Variants in ELF1 observed in about 807,000 individuals in gnomAD.
ELF1 encodes E74 like ETS transcription factor 1.
Under a neutral mutation model 59.9 loss-of-function variants are expected in ELF1, and 24 were observed. The ratio of observed to expected loss-of-function variants is 0.40; its 90% CI spans 0.29 to 0.56. The LOEUF is 0.56. Ranked by LOEUF, ELF1 falls within the 20% of genes least tolerant of loss-of-function variation. The pLI is 0.44. For missense variants in ELF1, 627 were observed against 742.2 expected (o/e 0.84, Z 1.80); for synonymous variants, 248 against 266.2 (o/e 0.93, Z 0.67).
chr13:40,962,389 A>G (rs781633698), intron 2 of ELF1, among the ~76,000 whole-genome samples: 12 of 152,262 alleles, frequency 7.9e-5, no homozygotes, highest in Non-Finnish European at 1.0e-4. Flanking sequence ...TTTGGGATTA[A>G]AAAAAGAGAG....
chr13:41,044,230 T>C (rs1205473301), intron 1 of ELF1, among the ~76,000 whole-genome samples: 1 of 152,228 alleles, frequency 6.6e-6, no homozygotes, highest in East Asian at 1.9e-4. Flanking sequence ...CATACAATCA[T>C]GTCATCTGCA....
chr13:40,966,914 C>T (rs1298010656), intron 2 of ELF1, among the ~76,000 whole-genome samples: 1 of 152,212 alleles, frequency 6.6e-6, no homozygotes, highest in Non-Finnish European at 1.5e-5. Flanking sequence ...AGCACACCTT[C>T]GAGTAGTTCA....
intron 1 of ELF1, among the ~76,000 whole-genome samples, chr13:41,046,471 G>A (rs1315114223): frequency 3.9e-5 from 6 of 152,168 alleles, no homozygotes; most frequent in South Asian, 2.1e-4. Context: ...CTCTTGCAGC[G>A]CAGGCCTGGT....
chr13:40,949,782 C>T (rs1224386280), intron 5 of ELF1, 24 bp downstream of exon 5: 1 of 1,612,454 alleles, frequency 6.2e-7, no homozygotes, highest in Non-Finnish European at 8.5e-7. Context: ...TGACTATGCG[C>T]CCTAAACAAA....
intron 1 of ELF1, among the ~76,000 whole-genome samples, chr13:41,037,895 TAC>T (rs2138416195): frequency 6.6e-6 from 1 of 152,300 alleles, no homozygotes; most frequent in East Asian, 1.9e-4. Flanking sequence ...TATAATGTGC[TAC>T]ACAGACTAAG....
chr13:41,055,703 G>A (rs1054888922), intron 1 of ELF1, among the ~76,000 whole-genome samples: 2 of 151,868 alleles, frequency 1.3e-5, no homozygotes, highest in Non-Finnish European at 2.9e-5. Flanking sequence ...TTATTTTCTA[G>A]AGAGAGGGTC....
chr13:40,994,984 G>C (rs1268637941), intron 1 of ELF1, among the ~76,000 whole-genome samples: 2 of 152,114 alleles, frequency 1.3e-5, no homozygotes, highest in Non-Finnish European at 2.9e-5. Context: ...TTGTTTCAAA[G>C]TTCCCCAGGA....
At chr13:40,953,755 A>G (rs1409208851) in intron 3 of ELF1, among the ~76,000 whole-genome samples, 5 of 152,124 alleles carry the variant, frequency 3.3e-5, no homozygotes, top group Non-Finnish European at 5.9e-5. Flanking sequence ...CGTCACCCCC[A>G]CTGTGGAATA....
chr13:41,017,286 A>G (rs1875461792), intron 1 of ELF1, among the ~76,000 whole-genome samples: 1 of 152,210 alleles, frequency 6.6e-6, no homozygotes, highest in East Asian at 1.9e-4. Flanking sequence ...AGCATTTCAA[A>G]CAAAGCATCA....
intron 1 of ELF1, among the ~76,000 whole-genome samples, chr13:40,998,380 T>G (rs1874232565): frequency 6.6e-6 from 1 of 152,212 alleles, no homozygotes; most frequent in Admixed American, 6.5e-5. Context: ...TTCAGTACAG[T>G]AACATACTGT....
At chr13:40,954,572 C>G (rs928868977) in intron 3 of ELF1, among the ~76,000 whole-genome samples, 4 of 151,874 alleles carry the variant, frequency 2.6e-5, no homozygotes, top group African/African-American at 9.7e-5. Flanking sequence ...CTCAGCCTGC[C>G]GAGTGCCTGC....
intron 1 of ELF1, among the ~76,000 whole-genome samples, chr13:41,055,963 T>C (rs1198177261): frequency 6.6e-6 from 1 of 151,878 alleles, no homozygotes; most frequent in Admixed American, 6.6e-5. Flanking sequence ...AGAGAGAAAA[T>C]ATTCTATATG....
At chr13:41,041,261 A>C (rs1323474017) in intron 1 of ELF1, among the ~76,000 whole-genome samples, 1 of 39,754 alleles carries the variant, frequency 2.5e-5, no homozygotes, top group African/African-American at 8.5e-5. Context: ...TGGTTTCATC[A>C]AAAAAAAAAA....
At chr13:40,993,211 AG>A (rs2138310328) in intron 1 of ELF1, 1 of 1,542,354 alleles carries the variant, frequency 6.5e-7, no homozygotes, top group East Asian at 2.2e-5. Flanking sequence ...CCTAACAGTG[AG>A]GCAGGAGCAG....
intron 1 of ELF1, among the ~76,000 whole-genome samples, chr13:41,051,934 CTTTTTTTTTT>C (rs757348738): frequency 2.4e-5 from 3 of 127,250 alleles, no homozygotes; most frequent in African/African-American, 5.9e-5. Flanking sequence ...TTCTTTTTCT[CTTTTTTTTTT>C]TTTTTTTTTT....
At chr13:41,036,310 T>C (rs1412980183) in intron 1 of ELF1, among the ~76,000 whole-genome samples, 1 of 152,238 alleles carries the variant, frequency 6.6e-6, no homozygotes, top group African/African-American at 2.4e-5. Flanking sequence ...TATTTATTCA[T>C]ATTTCTTAAT....
upstream of ELF1, among the ~76,000 whole-genome samples, chr13:41,020,013 C>A (rs1023339672): frequency 3.9e-5 from 6 of 152,204 alleles, no homozygotes; most frequent in African/African-American, 1.2e-4. Flanking sequence ...AGTATTGGTA[C>A]GATCATAGTT....
chr13:40,974,135 T>C (rs563451829), intron 2 of ELF1, among the ~76,000 whole-genome samples: 42 of 152,164 alleles, frequency 2.8e-4, no homozygotes, highest in Non-Finnish European at 4.7e-4. Flanking sequence ...TTAAAACCAT[T>C]GATTTGTACA....
chr13:40,971,774 T>C (rs1245258554), intron 2 of ELF1, among the ~76,000 whole-genome samples: 2 of 152,222 alleles, frequency 1.3e-5, no homozygotes, highest in African/African-American at 4.8e-5. Context: ...CTTCTTTTTG[T>C]AGCCAGGATA....
Sources: gnomAD v4.1 joint callset for allele counts (sites outside exome capture counted in the v4.1 genomes callset) on GRCh38, gnomAD v4.1.1 for gene constraint, MANE v1.5 for transcripts, NCBI Gene and HGNC (gene_info 2026-07-23, HGNC 2026-07-21) for gene names.